EPB41L3: variants seen among roughly 807,000 people sequenced by gnomAD.
The protein encoded by EPB41L3 is band 4.1-like protein 3.
Under a neutral mutation model 127.1 loss-of-function variants are expected in EPB41L3, and 57 were observed. That is an observed-to-expected ratio of 0.45 (90% confidence interval 0.36 to 0.56). The LOEUF is 0.56. Ranked by LOEUF, EPB41L3 falls within the 20% of genes least tolerant of loss-of-function variation. EPB41L3 has a pLI of 0.00. For synonymous variants in EPB41L3, 572 were observed against 549.5 expected (o/e 1.04, Z -0.57); for missense variants, 1,273 against 1,372.2 (o/e 0.93, Z 1.14).
chr18:5,545,748 G>C (rs1450747752), upstream of EPB41L3, among the ~76,000 whole-genome samples: 1 of 152,194 alleles, frequency 6.6e-6, no homozygotes, highest in Non-Finnish European at 1.5e-5. Context: ...TGTCTTTCAG[G>C]TGACAGATAA....
chr18:5,433,141 G>A (rs1224706274), intron 8 of EPB41L3, among the ~76,000 whole-genome samples: 2 of 152,180 alleles, frequency 1.3e-5, no homozygotes, highest in African/African-American at 4.8e-5. Context: ...CGACTGTGAT[G>A]GGGAGGCAGG....
chr18:5,515,952 C>G lies in EPB41L3; in HGVS notation c.-11-26758G>C, dbSNP rs138633764. On this transcript the variant is annotated intron_variant, in intron 1 of 22. Coordinates refer to ENST00000341928, the MANE Select transcript of EPB41L3 (RefSeq NM_012307.5). ...TGCACACAGATCCTCCTCACTCAAC[C>G]TCAGGAAGTCATCATTTCCCTGACT... Among the ~76,000 whole-genome samples the G allele has an allele frequency of 6.2e-3, 944 of 152,310 alleles. 16 individuals are homozygous for G. The highest frequency in any genetic ancestry group is 0.022 in the African/African-American group (914 of 41,566).
chr18:5,414,341 A>G (rs2076538922), intron 13 of EPB41L3, among the ~76,000 whole-genome samples: 2 of 152,344 alleles, frequency 1.3e-5, no homozygotes, highest in South Asian at 4.1e-4. Context: ...ATATAACTCA[A>G]GAACCTTGAA....
At chr18:5,566,893 C>T (rs2094214552) in intron 3 of EPB41L3, among the ~76,000 whole-genome samples, 1 of 151,930 alleles carries the variant, frequency 6.6e-6, no homozygotes, top group Non-Finnish European at 1.5e-5. Context: ...GCAACCTCTG[C>T]CTCCCGGGTT....
At chr18:5,476,433 T>C (rs568777884) in intron 3 of EPB41L3, among the ~76,000 whole-genome samples, 4 of 152,188 alleles carry the variant, frequency 2.6e-5, no homozygotes, top group African/African-American at 4.8e-5. Context: ...CCACAGTGAT[T>C]ATCAGTAATG....
At chr18:5,487,390 AAATAT>A (rs202006329) in intron 2 of EPB41L3, among the ~76,000 whole-genome samples, 2,035 of 149,812 alleles carry the variant, frequency 0.014, 13 homozygotes, top group Non-Finnish European at 0.017. Context: ...CATATATACA[AAATAT>A]AATATATATA....
At chr18:5,498,679 A>G (rs1307672214) in intron 1 of EPB41L3, among the ~76,000 whole-genome samples, 5 of 151,898 alleles carry the variant, frequency 3.3e-5, no homozygotes, top group Non-Finnish European at 5.9e-5. Flanking sequence ...AGCATCCTTG[A>G]GGTTTTAAGC....
chr18:5,583,906 T>A (rs2094418938), intron 3 of EPB41L3, among the ~76,000 whole-genome samples: 1 of 152,210 alleles, frequency 6.6e-6, no homozygotes, highest in East Asian at 1.9e-4. Context: ...CCTCCCGGGT[T>A]CATGCGATTC....
chr18:5,562,388 G>A (rs528570352), intron 3 of EPB41L3, among the ~76,000 whole-genome samples: 1 of 152,314 alleles, frequency 6.6e-6, no homozygotes, highest in Non-Finnish European at 1.5e-5. Flanking sequence ...GGATGGTCAG[G>A]AGTTAAACAA....
At chr18:5,417,649 G>A (rs947627236) in intron 12 of EPB41L3, among the ~76,000 whole-genome samples, 1 of 152,136 alleles carries the variant, frequency 6.6e-6, no homozygotes, top group Non-Finnish European at 1.5e-5. Flanking sequence ...TAAATATAGC[G>A]ACAGAAAGAA....
intron 16 of EPB41L3, 75 bp from the exon 17 acceptor site, chr18:5,398,218 G>A: frequency 6.4e-7 from 1 of 1,567,892 alleles, no homozygotes; most frequent in Non-Finnish European, 8.7e-7. Context: ...TTCACAGCTT[G>A]TTAGACAAAA....
At chr18:5,561,956 G>T (rs2149211971) in intron 3 of EPB41L3, among the ~76,000 whole-genome samples, 1 of 152,318 alleles carries the variant, frequency 6.6e-6, no homozygotes, top group South Asian at 2.1e-4. Flanking sequence ...TCTACGAAAT[G>T]ATGAGATACT....
At chr18:5,552,383 G>C (rs1615003) in intron 3 of EPB41L3, among the ~76,000 whole-genome samples, 37,969 of 152,248 alleles carry the variant, frequency 0.25, 6,253 homozygotes, top group African/African-American at 0.47. Flanking sequence ...AATATCATTT[G>C]TGGTTTTATT....
In EPB41L3 at chr18:5,489,089, G is replaced by A; in HGVS notation, c.95C>T (p.Pro32Leu). The change falls in exon 2 of 23, where the codon CCC becomes CTC. Residue 32 changes from proline to leucine, a missense_variant. Pro to Leu is a moderately conservative substitution (Grantham distance 98). Transcript: ENST00000341928. Reference protein sequence around the residue: ...AAGAQGRAGAPVPEPPKEEQQ... With the variant: ...AAGAQGRAGALVPEPPKEEQQ... ...CTCCTCCTTGGGCGGCTCCGGCACG[G>A]GCGCCCCCGCGCGCCCCTGCGCCCC... The A allele has an allele frequency of 6.3e-7, 1 of 1,594,722 alleles. No individual in the cohort carries two copies. Among genetic ancestry groups the A allele is most frequent in the Admixed American group, 1.7e-5 (1 of 57,954 alleles).
At chr18:5,426,792 G>A (rs1298910578) in intron 9 of EPB41L3, among the ~76,000 whole-genome samples, 1 of 152,172 alleles carries the variant, frequency 6.6e-6, no homozygotes, top group Non-Finnish European at 1.5e-5. Flanking sequence ...GATTTCTAAT[G>A]TCTGACAATA....
intron 3 of EPB41L3, among the ~76,000 whole-genome samples, chr18:5,464,835 G>A (rs1381887412): frequency 2.0e-5 from 3 of 152,124 alleles, no homozygotes; most frequent in Admixed American, 1.3e-4. Context: ...CTCTGCCAAC[G>A]TCCCGAGGGA....
chr18:5,437,181 G>T (rs1030238105), intron 6 of EPB41L3, among the ~76,000 whole-genome samples: 4 of 152,158 alleles, frequency 2.6e-5, no homozygotes, highest in African/African-American at 9.7e-5. Context: ...TCAAGGTGAT[G>T]GGATCACAAG....
chr18:5,625,644 C>A (rs2094915084), intron 1 of EPB41L3, among the ~76,000 whole-genome samples: 2 of 152,214 alleles, frequency 1.3e-5, no homozygotes, highest in African/African-American at 2.4e-5. Context: ...GGCAATAATG[C>A]ATCCAGCCAA....
chr18:5,549,044 G>A (rs1334601960), upstream of EPB41L3, among the ~76,000 whole-genome samples: 1 of 152,134 alleles, frequency 6.6e-6, no homozygotes, highest in Non-Finnish European at 1.5e-5. Flanking sequence ...AATTAACAGA[G>A]GAAGAAATAA....
Sources: allele counts gnomAD v4.1 joint callset (sites outside exome capture counted in the v4.1 genomes callset), GRCh38; gene constraint gnomAD v4.1.1; transcripts MANE v1.5; gene names NCBI Gene and HGNC (gene_info 2026-07-23, HGNC 2026-07-21).